SPON2: variants seen among roughly 807,000 people sequenced by gnomAD.
SPON2 encodes spondin 2.
In SPON2, 32 loss-of-function variants were observed where a neutral mutation model predicts 29.9. That is an observed-to-expected ratio of 1.07 (90% CI 0.81 to 1.44). SPON2 has a LOEUF of 1.44. Ranked by LOEUF, SPON2 falls within the 40% of genes most tolerant of loss-of-function variation. The probability of loss-of-function intolerance (pLI) is 0.00; values close to 1 mark genes in which losing one functional copy is unlikely to be tolerated. For missense variants in SPON2, 541 were observed against 455.5 expected (o/e 1.19, Z -1.71); for synonymous variants, 248 against 209.1 (o/e 1.19, Z -1.61).
chr4:1,180,692 A>G (rs1727687492), intron 1 of SPON2, among the ~76,000 whole-genome samples: 1 of 152,264 alleles, frequency 6.6e-6, no homozygotes, highest in Non-Finnish European at 1.5e-5. Context: ...GACAGAAATT[A>G]TAGAGAACCA....
intron 1 of SPON2, among the ~76,000 whole-genome samples, chr4:1,186,070 C>T (rs1055836520): frequency 7.0e-6 from 1 of 142,572 alleles, no homozygotes; most frequent in East Asian, 2.3e-4. Context: ...CGGTGAAACC[C>T]CATCTCTACT....
In SPON2 at chr4:1,186,318, T is replaced by G. The variant is rs192816914; in HGVS notation, c.-238-6777A>C. ...AGATGGGAGAAAATGTTTTTTTTTT[T>G]TTTGAGATGGAGTCTCCCTCTGTCA... On this transcript the variant is annotated intron_variant, in intron 1 of 3. Coordinates refer to the SPON2 transcript ENST00000502483. 3.2e-3 allele frequency among the ~76,000 whole-genome samples: 479 copies of G among 151,962 alleles called. 4 individuals are homozygous for G. Among genetic ancestry groups the G allele is most frequent in the African/African-American group, 0.011 (466 of 41,478 alleles).
intron 1 of SPON2, chr4:1,194,877 G>A (rs946527612): frequency 2.1e-5 from 3 of 145,282 alleles, no homozygotes; most frequent in Non-Finnish European, 4.5e-5. Flanking sequence ...CACAGCCGGC[G>A]GCTCCAACGC....
upstream of SPON2, among the ~76,000 whole-genome samples, chr4:1,175,621 G>C (rs559334288): frequency 6.6e-6 from 1 of 151,490 alleles, no homozygotes; most frequent in African/African-American, 2.4e-5. Context: ...GCCTGGGTGG[G>C]GGTTCTCCAG....
At chr4:1,193,282 C>A (rs1577908087) in intron 1 of SPON2, among the ~76,000 whole-genome samples, 1 of 152,186 alleles carries the variant, frequency 6.6e-6, no homozygotes, top group East Asian at 1.9e-4. Flanking sequence ...GCAACGTCCC[C>A]TGTCCCAGTC....
upstream of SPON2, among the ~76,000 whole-genome samples, chr4:1,197,552 G>A (rs548450920): frequency 6.6e-6 from 1 of 152,012 alleles, no homozygotes; most frequent in South Asian, 2.1e-4. Context: ...ATTTTTTAGA[G>A]GAAAAAATAA....
At chr4:1,175,520 T>TG (rs1727576042), upstream of SPON2, among the ~76,000 whole-genome samples, 1 of 142,792 alleles carries the variant, frequency 7.0e-6, no homozygotes, top group Non-Finnish European at 1.5e-5. Flanking sequence ...GGGCCCAGGC[T>TG]GGGGGGTCTC....
chr4:1,196,599 C>G (rs937504428), upstream of SPON2, among the ~76,000 whole-genome samples: 1 of 152,220 alleles, frequency 6.6e-6, no homozygotes, highest in Non-Finnish European at 1.5e-5. Flanking sequence ...GGGCCTCTGG[C>G]TGTCTCCTCT....
upstream of SPON2, among the ~76,000 whole-genome samples, chr4:1,196,152 C>G (rs1248585255): frequency 6.6e-6 from 1 of 152,206 alleles, no homozygotes; most frequent in Admixed American, 6.5e-5. Flanking sequence ...GATGGGGTGC[C>G]TAGCGCCCCG....
At chr4:1,185,176 C>G (rs1167400702) in intron 1 of SPON2, among the ~76,000 whole-genome samples, 1 of 151,408 alleles carries the variant, frequency 6.6e-6, no homozygotes, top group Non-Finnish European at 1.5e-5. Flanking sequence ...TGGGTTCAAG[C>G]AATTCTCCTT....
In SPON2 at chr4:1,167,444, G is replaced by A; in HGVS notation, c.*28C>T. ...GCCCCCGACACCCCATGGCTCCGGG[G>A]GGCCCCAGGGGCTGCGGGGCTCTGG... On this transcript the variant is annotated 3_prime_UTR_variant, in exon 6 of 6. Transcript: ENST00000290902. The A allele has an allele frequency of 1.3e-6, 2 of 1,598,662 alleles. No individual in the cohort carries two copies. The highest frequency in any genetic ancestry group is 1.1e-5 in the South Asian group (1 of 89,282).
intron 4 of SPON2, 150 bp downstream of exon 4, chr4:1,170,849 G>A (rs866204602): frequency 8.6e-7 from 1 of 1,162,958 alleles, no homozygotes; most frequent in African/African-American, 1.5e-5. Flanking sequence ...GCACCCCCTT[G>A]CTCACTGCTG....
chr4:1,167,690 C>T (rs1727291064), intron 5 of SPON2, 34 bp from the exon 6 acceptor site: 1 of 1,550,462 alleles, frequency 6.4e-7, no homozygotes. Flanking sequence ...GAGGTGAACG[C>T]TCGCGTGAAG....
chr4:1,181,157 C>G (rs932241305), intron 1 of SPON2, among the ~76,000 whole-genome samples: 3 of 152,160 alleles, frequency 2.0e-5, no homozygotes, highest in African/African-American at 7.2e-5. Context: ...CAACTCATCT[C>G]ATACAGGAGA....
At chr4:1,172,897 TCCTCCCCTC>T (rs1727509197), upstream of SPON2, 1 of 1,398 alleles carries the variant, frequency 7.2e-4, no homozygotes, top group Non-Finnish European at 1.9e-3. Flanking sequence ...TCCCCTCCCC[TCCTCCCCTC>T]CCCTCCTCCC....
At chr4:1,175,395 G>A (rs1727572234), upstream of SPON2, among the ~76,000 whole-genome samples, 1 of 152,252 alleles carries the variant, frequency 6.6e-6, no homozygotes. Flanking sequence ...GGGGCAGCAG[G>A]AGCTGTTCTC....
chr4:1,167,955 C>T, intron 5 of SPON2: 2 of 335,740 alleles, frequency 6.0e-6, no homozygotes, highest in Non-Finnish European at 5.4e-6. Context: ...CCCTGGGAAC[C>T]CCGTGGGAAC....
chr4:1,185,699 C>T (rs1301471929), intron 1 of SPON2, among the ~76,000 whole-genome samples: 1 of 2,854 alleles, frequency 3.5e-4, no homozygotes, highest in Non-Finnish European at 0.013. Context: ...CAGAGTGAGA[C>T]TCCATCTCCA....
chr4:1,203,643 A>G (rs1304839648), intron 1 of SPON2, among the ~76,000 whole-genome samples: 2 of 152,162 alleles, frequency 1.3e-5, no homozygotes, highest in Non-Finnish European at 2.9e-5. Context: ...GCTGGGTCAC[A>G]TGGAATTCGG....
Sources: allele counts gnomAD v4.1 joint callset (sites outside exome capture counted in the v4.1 genomes callset), GRCh38; gene constraint gnomAD v4.1.1; transcripts MANE v1.5; gene names NCBI Gene and HGNC (gene_info 2026-07-23, HGNC 2026-07-21).